The following AK8 variants were observed in gnomAD, a reference collection of about 807,000 sequenced individuals.
AK8 encodes the protein adenylate kinase 8, also known as ATP-AMP transphosphorylase 8.
In AK8, 44 loss-of-function variants were observed where a neutral mutation model predicts 54.6. The observed-to-expected ratio is 0.81, with a 90% confidence interval of 0.63 to 1.04. The LOEUF (loss-of-function observed/expected upper bound fraction) is 1.04. AK8 is among the 50% of genes least tolerant of loss of function. AK8 has a pLI of 0.00. For missense variants in AK8, 555 were observed against 613.6 expected, an observed-to-expected ratio of 0.90 and a Z score of 1.01; for synonymous variants, 239 against 245.6, an observed-to-expected ratio of 0.97 and a Z score of 0.25.
At chr9:132,768,493 C>T (rs1190003015) in intron 11 of AK8, among the ~76,000 whole-genome samples, 1 of 152,186 alleles carries the variant, frequency 6.6e-6, no homozygotes, top group Non-Finnish European at 1.5e-5. Flanking sequence ...TCTCAAACTA[C>T]TGACCTCAGG....
intron 11 of AK8, among the ~76,000 whole-genome samples, chr9:132,785,870 G>T (rs1794249274): frequency 6.6e-6 from 1 of 152,158 alleles, no homozygotes; most frequent in East Asian, 1.9e-4. Context: ...ATGTAACAAA[G>T]AAATCAGAGT....
intron 11 of AK8, among the ~76,000 whole-genome samples, chr9:132,778,733 A>C (rs1839333669): frequency 6.6e-6 from 1 of 152,220 alleles, no homozygotes; most frequent in African/African-American, 2.4e-5. Context: ...TTAATTTCAT[A>C]ATGTACCACC....
At chr9:132,758,939 T>C (rs1215231707) in intron 11 of AK8, among the ~76,000 whole-genome samples, 3 of 152,088 alleles carry the variant, frequency 2.0e-5, no homozygotes, top group African/African-American at 7.2e-5. Flanking sequence ...AGCGCATGCC[T>C]GTAATCCCAG....
chr9:132,877,926 C>G (rs566164628), intron 1 of AK8: 2 of 932,154 alleles, frequency 2.1e-6, no homozygotes, highest in East Asian at 5.4e-5. Flanking sequence ...AGGACCAAAT[C>G]CCGGCTCGAG....
chr9:132,825,342 A>C (rs1841828978), intron 8 of AK8, among the ~76,000 whole-genome samples: 1 of 152,028 alleles, frequency 6.6e-6, no homozygotes. Context: ...ATATTCAGAC[A>C]CTCACATTTT....
intron 12 of AK8, among the ~76,000 whole-genome samples, chr9:132,726,160 A>C (rs937677773): frequency 6.6e-6 from 1 of 152,104 alleles, no homozygotes; most frequent in African/African-American, 2.4e-5. Flanking sequence ...CAGTGATAGG[A>C]GGACAGAATA....
chr9:132,818,955 G>T (rs1409166993), intron 9 of AK8, among the ~76,000 whole-genome samples: 1 of 152,136 alleles, frequency 6.6e-6, no homozygotes, highest in African/African-American at 2.4e-5. Flanking sequence ...ATATCATACA[G>T]ACACAAATCA....
Position 132,781,604 on chromosome 9 carries a change from C to A in AK8, c.1121+11030G>T, listed in dbSNP as rs1221582801. On this transcript the variant is annotated intron_variant, in intron 11 of 12. Transcript: ENST00000298545. This position sits in a 1 kb window ranked among gnomAD's most constrained non-coding sequence, Gnocchi z 4.6. The stretch of plus-strand genomic sequence containing the variant: ...TTTATTTTAATCTAATTTCATTGAA[C>A]CTTCCTTAAAAAAAGAGCCTTTGTA... Among the ~76,000 whole-genome samples, 4 of 151,892 alleles carry A rather than the reference C, an allele frequency of 2.6e-5. No homozygotes were observed. Among genetic ancestry groups the A allele is most frequent in the African/African-American group, 7.3e-5 (3 of 41,320 alleles).
chr9:132,854,324 C>T (rs1259961104), intron 5 of AK8, among the ~76,000 whole-genome samples: 1 of 152,234 alleles, frequency 6.6e-6, no homozygotes, highest in African/African-American at 2.4e-5. Flanking sequence ...TCCTGTGGCA[C>T]CCATCAGTGC....
At chr9:132,847,840 G>C (rs1181373447) in intron 5 of AK8, among the ~76,000 whole-genome samples, 1 of 151,978 alleles carries the variant, frequency 6.6e-6, no homozygotes, top group African/African-American at 2.4e-5. Flanking sequence ...AATTAGCCGG[G>C]CATGGTGGTG....
Position 132,740,718 on chromosome 9 carries a change from C to T in AK8, c.1122-13184G>A, listed in dbSNP as rs557820434. ...CCAGTCTTAGAGCTGAGCACCCCCC[C>T]GCCCCACTCTGGGGCTGCATCCCTC... On this transcript the variant is annotated intron_variant, in intron 11 of 12. Transcript: ENST00000298545. Among the ~76,000 whole-genome samples, 647 of 152,252 alleles carry T rather than the reference C, an allele frequency of 4.2e-3. 8 individuals are homozygous for T. Among genetic ancestry groups the T allele is most frequent in the African/African-American group, 0.014 (599 of 41,540 alleles).
At position 132,823,312 on chromosome 9, in the gene AK8, T is replaced by C. The variant is rs1452193820; in HGVS notation, c.782A>G (p.His261Arg). The change falls in exon 9 of 13, where the codon CAT becomes CGT. Residue 261 changes from histidine to arginine, a missense_variant. His to Arg is a conservative substitution (Grantham distance 29). Transcript: ENST00000298545. ...CGGGGTGAACGGGGCATTAGTACGA[T>C]GGTTGCTTTGGACATAGGTCAGAGC... is the stretch of plus-strand genomic sequence containing the variant. ...YQALTYVQSNHRTNAPFTPRV... is the reference protein window; with the variant it reads ...YQALTYVQSNRRTNAPFTPRV... 7 of 1,613,968 alleles carry C rather than the reference T, an allele frequency of 4.3e-6. No individual in the cohort carries two copies. Among genetic ancestry groups the C allele is most frequent in the Middle Eastern group, 1.7e-4 (1 of 6,060 alleles).
Position 132,726,336 on chromosome 9 carries a change from A to G in AK8, c.1203-411T>C, listed in dbSNP as rs971965760. On this transcript the variant is annotated intron_variant, in intron 12 of 12. Coordinates refer to ENST00000298545, the MANE Select transcript of AK8 (RefSeq NM_152572.3). ...CTTCCTTTTTCTTTTCTTTTTTGAG[A>G]CAGGGTCTCACTCTCTTGCCCAGGC... Among the ~76,000 whole-genome samples, 5 of 137,398 alleles carry G rather than the reference A, an allele frequency of 3.6e-5. 1 individual carries two copies. The highest frequency in any genetic ancestry group is 2.4e-4 in the Admixed American group (3 of 12,322). 90.1% of individuals were successfully genotyped at this position (137,398 alleles called of 152,430 possible).
intron 11 of AK8, among the ~76,000 whole-genome samples, chr9:132,758,066 T>C (rs1838278261): frequency 6.6e-6 from 1 of 152,248 alleles, no homozygotes. Flanking sequence ...AGCCTTTGTT[T>C]CTTGGACGTT....
chr9:132,877,347 A>G (rs183027218), intron 1 of AK8, among the ~76,000 whole-genome samples: 13 of 152,360 alleles, frequency 8.5e-5, no homozygotes, highest in Non-Finnish European at 1.2e-4. Context: ...TGTGCAGGGC[A>G]GAACCTCAAA....
intron 5 of AK8, among the ~76,000 whole-genome samples, chr9:132,841,023 C>G (rs1381866190): frequency 6.6e-6 from 1 of 152,180 alleles, no homozygotes; most frequent in Non-Finnish European, 1.5e-5. Context: ...AGCATCAACT[C>G]TAAGTGGACC....
At chr9:132,745,425 CCGTGT>C (rs1357882072) in intron 11 of AK8, among the ~76,000 whole-genome samples, 5 of 152,124 alleles carry the variant, frequency 3.3e-5, no homozygotes, top group South Asian at 4.1e-4. Flanking sequence ...TTGTGTGCGT[CCGTGT>C]CGCGGCTGTA....
chr9:132,742,095 G>A (rs185864176), intron 11 of AK8, among the ~76,000 whole-genome samples: 14 of 151,776 alleles, frequency 9.2e-5, no homozygotes, highest in South Asian at 8.4e-4. Flanking sequence ...TTCATTCCTC[G>A]TGCAGCCAAA....
At position 132,747,791 on chromosome 9, in the gene AK8, T is replaced by C. The variant is rs74813571; in HGVS notation, c.1122-20257A>G. Among the ~76,000 whole-genome samples the C allele has an allele frequency of 4.3e-4, 64 of 150,238 alleles. No individual in the cohort carries two copies. In the East Asian group the frequency reaches 0.012, roughly 28 times the overall value. On this transcript the variant is annotated intron_variant, in intron 11 of 12. Transcript: ENST00000298545. ...AATTTTTTTTTTTACAATGAGACTGTACTATTTCTACAATTAAGAAAAACA... is the reference window on the plus strand; with the variant it reads ...AATTTTTTTTTTTACAATGAGACTGCACTATTTCTACAATTAAGAAAAACA...
Sources: allele counts gnomAD v4.1 joint callset (sites outside exome capture counted in the v4.1 genomes callset), GRCh38; gene constraint gnomAD v4.1.1; non-coding constraint Gnocchi (gnomAD v3.1); transcripts MANE v1.5; gene names NCBI Gene and HGNC (gene_info 2026-07-23, HGNC 2026-07-21).